The following GPHN variants were observed in gnomAD, a reference collection of about 807,000 sequenced individuals.
The protein encoded by GPHN is gephyrin.
A neutral mutation model predicts 95.5 loss-of-function variants in GPHN; 17 were observed. The ratio of observed to expected loss-of-function variants is 0.18; its 90% CI spans 0.12 to 0.27. The LOEUF (loss-of-function observed/expected upper bound fraction) is 0.27. Among genes scored for constraint, GPHN ranks in the 10% least tolerant of loss-of-function variants. The pLI is 1.00. For missense variants in GPHN, 660 were observed against 978.1 expected (o/e 0.67, Z 4.34); for synonymous variants, 320 against 322.5 (o/e 0.99, Z 0.08).
At chr14:67,152,603 C>G (rs558115602) in intron 18 of GPHN, among the ~76,000 whole-genome samples, 3 of 152,316 alleles carry the variant, frequency 2.0e-5, no homozygotes, top group Admixed American at 6.5e-5. Flanking sequence ...CAAAACTGAT[C>G]TATACCCACC....
intron 1 of GPHN, among the ~76,000 whole-genome samples, chr14:66,534,533 G>A (rs2059063569): frequency 6.6e-6 from 1 of 151,988 alleles, no homozygotes; most frequent in Non-Finnish European, 1.5e-5. Context: ...TCTAATTTTT[G>A]ACTTACAAAG....
At chr14:66,570,832 T>A (rs1052207027) in intron 1 of GPHN, among the ~76,000 whole-genome samples, 3 of 152,186 alleles carry the variant, frequency 2.0e-5, no homozygotes, top group Non-Finnish European at 2.9e-5. Flanking sequence ...TGATATCTTA[T>A]TGTGGTTATA....
At chr14:66,622,554 C>T (rs1234074943) in intron 1 of GPHN, among the ~76,000 whole-genome samples, 2 of 152,176 alleles carry the variant, frequency 1.3e-5, no homozygotes, top group Non-Finnish European at 2.9e-5. Flanking sequence ...AACTTTTATG[C>T]TCTGTTTCCC....
intron 4 of GPHN, among the ~76,000 whole-genome samples, chr14:66,827,787 A>G (rs1336478106): frequency 2.0e-5 from 3 of 151,962 alleles, no homozygotes; most frequent in Non-Finnish European, 2.9e-5. Flanking sequence ...TTCCATCTCT[A>G]TATTATATAA....
intron 4 of GPHN, among the ~76,000 whole-genome samples, chr14:66,878,725 G>T (rs1390961472): frequency 1.3e-5 from 2 of 152,170 alleles, no homozygotes; most frequent in African/African-American, 4.8e-5. Flanking sequence ...ATAGATGCTG[G>T]ATAGGGATGT....
chr14:67,528,622 A>G, the GPHN span, among the ~76,000 whole-genome samples: 2 of 152,164 alleles, frequency 1.3e-5, no homozygotes, highest in Admixed American at 6.5e-5. Flanking sequence ...CCTGAGCTCC[A>G]CCAGCTCCCA....
chr14:67,386,914 T>C, the GPHN span: 1 of 137,316 alleles, frequency 7.3e-6, no homozygotes, highest in South Asian at 2.2e-4. Flanking sequence ...CTATAAACTT[T>C]GTATGGGATT....
intron 21 of GPHN, among the ~76,000 whole-genome samples, chr14:67,177,016 T>C (rs1355560664): frequency 6.6e-6 from 1 of 152,234 alleles, no homozygotes; most frequent in African/African-American, 2.4e-5. Flanking sequence ...GTTGACCTTT[T>C]CAAAAAACCA....
chr14:66,879,759 T>G (rs988380536), intron 4 of GPHN, among the ~76,000 whole-genome samples, 180 bp from the exon 5 acceptor site: 1 of 152,148 alleles, frequency 6.6e-6, no homozygotes, highest in African/African-American at 2.4e-5. Context: ...GGTCCTCAGC[T>G]TTTATTCAGT....
chr14:66,993,939 A>G (rs1315240619), intron 9 of GPHN, among the ~76,000 whole-genome samples: 1 of 152,196 alleles, frequency 6.6e-6, no homozygotes, highest in Non-Finnish European at 1.5e-5. Context: ...CCAGACTACA[A>G]TAATGATGAA....
chr14:67,105,486 A>G (rs1041557057), intron 13 of GPHN, among the ~76,000 whole-genome samples: 1 of 152,148 alleles, frequency 6.6e-6, no homozygotes, highest in Non-Finnish European at 1.5e-5. Flanking sequence ...TTAGATAAAT[A>G]ATACCTGCTT....
rs2061325724 is a variant in GPHN at position 66,824,598 on chromosome 14, G to A, written c.294+32G>A. Reference sequence around the variant, plus strand: ...TAGTACATGCCTTTTCATATTCAAGGATTAAACTAATCATGGTTTTTTTAA... The same window carrying A: ...TAGTACATGCCTTTTCATATTCAAGAATTAAACTAATCATGGTTTTTTTAA... On this transcript the variant is annotated intron_variant, in intron 4 of 22. Transcript: ENST00000478722. 4 of 954,182 alleles carry A rather than the reference G, an allele frequency of 4.2e-6. No homozygotes were observed. The East Asian group carries it at 7.2e-5, about 17-fold the overall frequency. The allele number at this position is 954,182 out of a possible 1,614,324, so 59.1% of individuals were successfully genotyped here.
At chr14:67,646,933 G>C in the GPHN span, 1 of 1,598,978 alleles carries the variant, frequency 6.3e-7, no homozygotes, top group East Asian at 2.2e-5. Context: ...TTATTTTAAA[G>C]AACTATGATA....
intron 4 of GPHN, among the ~76,000 whole-genome samples, chr14:66,836,301 T>C (rs1448384201): frequency 1.5e-5 from 2 of 137,272 alleles, no homozygotes; most frequent in Admixed American, 1.4e-4. Flanking sequence ...TATCTACAAC[T>C]ATCTGATCTT....
chr14:67,701,840 T>C, the GPHN span: 1 of 152,148 alleles, frequency 6.6e-6, no homozygotes, highest in Non-Finnish European at 1.5e-5. Flanking sequence ...TGTAATAAAT[T>C]ATTATCATGC....
the GPHN span, among the ~76,000 whole-genome samples, chr14:67,661,278 C>CAAAAAA: frequency 8.8e-5 from 5 of 56,500 alleles, no homozygotes; most frequent in East Asian, 6.6e-4. Flanking sequence ...AGGGCTAGAG[C>CAAAAAA]AAAAAAAAAA....
the GPHN span, among the ~76,000 whole-genome samples, chr14:67,369,891 A>G: frequency 2.6e-5 from 4 of 152,206 alleles, no homozygotes; most frequent in African/African-American, 9.6e-5. Flanking sequence ...CGCTAGAGGA[A>G]TTAAAGACAC....
chr14:67,000,390 A>G (rs1738995725), intron 9 of GPHN, among the ~76,000 whole-genome samples: 1 of 151,740 alleles, frequency 6.6e-6, no homozygotes, highest in Non-Finnish European at 1.5e-5. Flanking sequence ...CCACAGAACC[A>G]CAAACTGTTT....
the GPHN span, among the ~76,000 whole-genome samples, chr14:67,703,305 G>T: frequency 6.6e-6 from 1 of 152,202 alleles, no homozygotes; most frequent in Admixed American, 6.5e-5. Context: ...GGGTAAGGTA[G>T]TTCGATGGCA....
Sources: gnomAD v4.1 joint callset for allele counts (sites outside exome capture counted in the v4.1 genomes callset) on GRCh38, gnomAD v4.1.1 for gene constraint, MANE v1.5 for transcripts, NCBI Gene and HGNC (gene_info 2026-07-23, HGNC 2026-07-21) for gene names.